The following SDK1 variants were observed in gnomAD, a reference collection of about 807,000 sequenced individuals.
The protein encoded by SDK1 is sidekick cell adhesion molecule 1.
A neutral mutation model predicts 245.5 loss-of-function variants in SDK1; 157 were observed. That is an observed-to-expected ratio of 0.64 (90% CI 0.56 to 0.73). SDK1 has a LOEUF of 0.73. Among genes scored for constraint, SDK1 ranks in the 30% least tolerant of loss-of-function variants. SDK1 has a pLI of 0.00. For missense variants in SDK1, 3,583 were observed against 3,002.3 expected, an observed-to-expected ratio of 1.19 and a Z score of -4.52; for synonymous variants, 1,647 against 1,278.5, an observed-to-expected ratio of 1.29 and a Z score of -6.15.
At chr7:4,106,756 A>AGCCTCCCGGGCC (rs1213972404) in intron 22 of SDK1, among the ~76,000 whole-genome samples, 7 of 151,984 alleles carry the variant, frequency 4.6e-5, no homozygotes, top group African/African-American at 1.7e-4. Context: ...TCTCCCGGGC[A>AGCCTCCCGGGCC]GCCTCCCGGG....
Position 3,536,223 on chromosome 7 carries a change from A to AT in SDK1, c.299-82847dup, listed in dbSNP as rs1204324690. On this transcript the variant is annotated intron_variant, in intron 1 of 44. Coordinates refer to ENST00000404826, the MANE Select transcript of SDK1 (RefSeq NM_152744.4). The stretch of plus-strand genomic sequence containing the variant: ...AGGCGCCCGCCACCACACCCAGCTA[A>AT]TTTTTTTTTTGTGTGTGTGTTTTTA... Among the ~76,000 whole-genome samples, 432 of 136,664 alleles carry AT rather than the reference A, an allele frequency of 3.2e-3. 3 individuals are homozygous for AT. Among genetic ancestry groups the AT allele is most frequent in the African/African-American group, 9.7e-3 (364 of 37,540 alleles). 89.7% of individuals were successfully genotyped at this position (136,664 alleles called of 152,430 possible).
In SDK1 at chr7:4,207,961, G is replaced by A. The variant is rs368882096; in HGVS notation, c.5215-138G>A. 5.8e-4 allele frequency: 385 copies of A among 663,594 alleles called. No individual in the cohort carries two copies. The African/African-American group carries it at 6.5e-3, about 11-fold the overall frequency. 41.1% of individuals were successfully genotyped at this position (663,594 alleles called of 1,614,324 possible). A position where few individuals can be genotyped will look rare whatever the true frequency, so the allele number is the denominator to read the frequency against. On this transcript the variant is annotated intron_variant, in intron 36 of 44. Transcript: ENST00000404826. ...GCTTCTCCCTGATTCCTCCAGGAGG[G>A]AGCCTTTCCACCTTCCCACCCAGCA...
At chr7:4,232,411 C>CTTTT (rs71032930) in intron 40 of SDK1, among the ~76,000 whole-genome samples, 43 of 98,780 alleles carry the variant, frequency 4.4e-4, no homozygotes, top group African/African-American at 1.3e-3. Flanking sequence ...TCTTTTCTTT[C>CTTTT]TTTTTTTTTT....
intron 38 of SDK1, among the ~76,000 whole-genome samples, chr7:4,213,363 G>A (rs1343012490): frequency 2.7e-5 from 4 of 150,524 alleles, no homozygotes; most frequent in Non-Finnish European, 4.4e-5. Flanking sequence ...AGTGAGCCGA[G>A]ATCGCGCCAC....
intron 1 of SDK1, among the ~76,000 whole-genome samples, chr7:3,448,496 A>T (rs1441296137): frequency 6.6e-6 from 1 of 152,138 alleles, no homozygotes; most frequent in African/African-American, 2.4e-5. Flanking sequence ...ATTAAAATAT[A>T]TGTAATCACA....
At chr7:3,668,853 C>A (rs1014871609) in intron 4 of SDK1, among the ~76,000 whole-genome samples, 1 of 152,156 alleles carries the variant, frequency 6.6e-6, no homozygotes, top group Non-Finnish European at 1.5e-5. Flanking sequence ...CACAAAGTGT[C>A]CATTTTCACC....
intron 1 of SDK1, among the ~76,000 whole-genome samples, chr7:3,554,398 A>G (rs1257489385): frequency 6.7e-6 from 1 of 150,188 alleles, no homozygotes; most frequent in African/African-American, 2.4e-5. Context: ...TAAAACTGAA[A>G]GCAAAAACAG....
At chr7:3,726,708 G>A (rs118141138) in intron 4 of SDK1, among the ~76,000 whole-genome samples, 1,828 of 152,230 alleles carry the variant, frequency 0.012, 27 homozygotes, top group Non-Finnish European at 0.019. Flanking sequence ...TCATATAATC[G>A]GGAGCTGGGA....
At chr7:3,804,538 T>C (rs1381153350) in intron 4 of SDK1, among the ~76,000 whole-genome samples, 3 of 152,232 alleles carry the variant, frequency 2.0e-5, no homozygotes, top group East Asian at 3.8e-4. Context: ...CAAAATTGTT[T>C]TTGCTATTCT....
chr7:3,803,592 T>C (rs1216901786), intron 4 of SDK1, among the ~76,000 whole-genome samples: 2 of 152,046 alleles, frequency 1.3e-5, no homozygotes, highest in Non-Finnish European at 2.9e-5. Context: ...ATTACAGGCT[T>C]GAGCCACTGC....
In SDK1 at chr7:3,977,585, C is replaced by T. The variant is rs200022843; in HGVS notation, c.1994+3040C>T. Among the ~76,000 whole-genome samples, 14 of 152,372 alleles carry T rather than the reference C, an allele frequency of 9.2e-5. No homozygotes were observed. In the East Asian group the frequency reaches 1.9e-3, roughly 21 times the overall value. ...TGGGTGCTGTCATCCGTGGGCTTCC[C>T]CGGAGGTCTCCTGATCATGCACCCC... On this transcript the variant is annotated intron_variant, in intron 13 of 44. Coordinates refer to ENST00000404826, the MANE Select transcript of SDK1 (RefSeq NM_152744.4).
At chr7:3,696,627 A>G (rs537840601) in intron 4 of SDK1, among the ~76,000 whole-genome samples, 1 of 151,808 alleles carries the variant, frequency 6.6e-6, no homozygotes, top group East Asian at 1.9e-4. Flanking sequence ...AGGTTACTCA[A>G]AAAGCAGCAA....
intron 2 of SDK1, among the ~76,000 whole-genome samples, chr7:3,629,057 C>T (rs752091712): frequency 2.4e-4 from 36 of 151,244 alleles, no homozygotes; most frequent in Non-Finnish European, 3.8e-4. Context: ...CTTTGGGAGG[C>T]GGAGACGGGC....
intron 40 of SDK1, among the ~76,000 whole-genome samples, chr7:4,225,202 G>A (rs1318021443): frequency 6.6e-6 from 1 of 152,080 alleles, no homozygotes; most frequent in African/African-American, 2.4e-5. Flanking sequence ...CTGCAGCACA[G>A]TTTTGCAGGA....
chr7:3,577,240 C>T (rs1046797417), intron 1 of SDK1, among the ~76,000 whole-genome samples: 1 of 152,090 alleles, frequency 6.6e-6, no homozygotes, highest in Non-Finnish European at 1.5e-5. Flanking sequence ...CTCTACAAAT[C>T]ATCACATGGT....
chr7:4,265,075 G>GGCCCTGC, intron 44 of SDK1, 49 bp from the exon 45 acceptor site: 1 of 1,513,406 alleles, frequency 6.6e-7, no homozygotes, highest in Non-Finnish European at 8.9e-7. Context: ...GCACGCTCCG[G>GGCCCTGC]GCCCTGCGCC....
At chr7:3,865,936 A>G in intron 5 of SDK1, among the ~76,000 whole-genome samples, 1 of 152,298 alleles carries the variant, frequency 6.6e-6, no homozygotes, top group Middle Eastern at 3.4e-3. Flanking sequence ...AAACACACTT[A>G]AAGTGTGTAT....
At chr7:3,941,267 C>T (rs1201638129) in intron 5 of SDK1, among the ~76,000 whole-genome samples, 1 of 152,134 alleles carries the variant, frequency 6.6e-6, no homozygotes, top group African/African-American at 2.4e-5. Context: ...CAGCCTTTTC[C>T]CAAACCGTGT....
intron 5 of SDK1, among the ~76,000 whole-genome samples, chr7:3,887,401 G>C (rs1419997949): frequency 1.3e-5 from 2 of 152,332 alleles, no homozygotes; most frequent in Admixed American, 6.5e-5. Flanking sequence ...GGGAGGAACC[G>C]TGGAGTATTA....
Sources: gnomAD v4.1 joint callset for allele counts (sites outside exome capture counted in the v4.1 genomes callset) on GRCh38, gnomAD v4.1.1 for gene constraint, MANE v1.5 for transcripts, NCBI Gene and HGNC (gene_info 2026-07-23, HGNC 2026-07-21) for gene names.